Variants in FANK1 observed in about 807,000 individuals in gnomAD.
The protein encoded by FANK1 is fibronectin type 3 and ankyrin repeat domains protein 1.
Under a neutral mutation model 45.3 loss-of-function variants are expected in FANK1, and 44 were observed. The observed-to-expected ratio is 0.97, with a 90% CI of 0.76 to 1.25. FANK1 has a LOEUF of 1.25. Among genes scored for constraint, FANK1 ranks in the 50% most tolerant of loss-of-function variants. The pLI, the probability that FANK1 is intolerant of heterozygous loss-of-function variation, is 0.00. For missense variants in FANK1, 391 were observed against 424.4 expected, an observed-to-expected ratio of 0.92 and a Z score of 0.69; for synonymous variants, 149 against 152.5, an observed-to-expected ratio of 0.98 and a Z score of 0.17.
In FANK1 at chr10:126,009,454, T is replaced by C; in HGVS notation, c.*16T>C. Reference sequence around the variant, plus strand: ...TGTCTGCTGATGAGAGCACCACTCATCTGCGAAACGCACGTAAAACAAAGT... The same window carrying C: ...TGTCTGCTGATGAGAGCACCACTCACCTGCGAAACGCACGTAAAACAAAGT... On this transcript the variant is annotated 3_prime_UTR_variant, in exon 11 of 11. Coordinates refer to ENST00000368693, the MANE Select transcript of FANK1 (RefSeq NM_145235.5). 6.2e-7 allele frequency: 1 copy of C among 1,611,966 alleles called. No homozygotes were observed. The highest frequency in any genetic ancestry group is 2.2e-5 in the East Asian group (1 of 44,870).
intron 1 of FANK1, among the ~76,000 whole-genome samples, chr10:125,962,105 C>T (rs1949962421): frequency 6.6e-6 from 1 of 152,166 alleles, no homozygotes; most frequent in South Asian, 2.1e-4. Flanking sequence ...GGATTAATAT[C>T]CAGAATATCC....
chr10:125,980,451 A>G, intron 2 of FANK1, 113 bp downstream of exon 2: 4 of 1,206,346 alleles, frequency 3.3e-6, no homozygotes, highest in Non-Finnish European at 4.6e-6. Flanking sequence ...ATGAGTCAGC[A>G]TCATTTGTAT....
chr10:125,973,491 A>G (rs966500602), intron 1 of FANK1: 83 of 983,698 alleles, frequency 8.4e-5, no homozygotes, highest in Middle Eastern at 5.2e-4. Context: ...GACTCACAGT[A>G]AGAGGTCAGT....
intron 1 of FANK1, among the ~76,000 whole-genome samples, chr10:125,936,701 A>G (rs1948121407): frequency 6.6e-6 from 1 of 152,198 alleles, no homozygotes; most frequent in African/African-American, 2.4e-5. Flanking sequence ...TTGCTGTTCC[A>G]TTAATATAGC....
chr10:125,949,321 G>A (rs1949037576), intron 1 of FANK1, among the ~76,000 whole-genome samples: 1 of 151,496 alleles, frequency 6.6e-6, no homozygotes, highest in South Asian at 2.1e-4. Context: ...AAAAGAGGAA[G>A]TCAAATTGTC....
intron 1 of FANK1, among the ~76,000 whole-genome samples, chr10:125,963,874 C>T (rs1032937726): frequency 4.6e-5 from 7 of 151,770 alleles, no homozygotes; most frequent in African/African-American, 1.7e-4. Flanking sequence ...CACATGTACC[C>T]TAGAACTTAA....
intron 1 of FANK1, among the ~76,000 whole-genome samples, chr10:125,975,571 T>C (rs1950805809): frequency 6.6e-6 from 1 of 152,262 alleles, no homozygotes; most frequent in Non-Finnish European, 1.5e-5. Flanking sequence ...GGTTTTGATA[T>C]GCTTGTTGGC....
chr10:125,911,372 C>T (rs920166854), intron 1 of FANK1, among the ~76,000 whole-genome samples: 12 of 152,290 alleles, frequency 7.9e-5, no homozygotes, highest in South Asian at 2.1e-4. Flanking sequence ...CCGCAAGACG[C>T]GTTTTGGACT....
At chr10:125,931,142 G>A (rs1321492588) in intron 1 of FANK1, among the ~76,000 whole-genome samples, 4 of 152,186 alleles carry the variant, frequency 2.6e-5, no homozygotes, top group Non-Finnish European at 4.4e-5. Flanking sequence ...TTGGTTCCAC[G>A]ATTTTGGAAT....
chr10:125,993,727 C>T (rs115564933), intron 3 of FANK1, among the ~76,000 whole-genome samples: 369 of 152,158 alleles, frequency 2.4e-3, no homozygotes, highest in African/African-American at 7.9e-3. Flanking sequence ...GGTTATCGTG[C>T]GACTTTTATT....
At chr10:125,927,613 A>G (rs1339663198) in intron 1 of FANK1, among the ~76,000 whole-genome samples, 1 of 151,748 alleles carries the variant, frequency 6.6e-6, no homozygotes, top group Non-Finnish European at 1.5e-5. Context: ...GCAATGGCGC[A>G]ATCTCAGCTC....
At chr10:125,932,762 T>C (rs1364831721) in intron 1 of FANK1, among the ~76,000 whole-genome samples, 6 of 152,172 alleles carry the variant, frequency 3.9e-5, no homozygotes, top group Non-Finnish European at 8.8e-5. Context: ...GTGGTGAAAT[T>C]GGGCATCCTT....
chr10:125,900,623 TTCTG>T (rs1323051967), intron 1 of FANK1, among the ~76,000 whole-genome samples: 1 of 152,028 alleles, frequency 6.6e-6, no homozygotes, highest in Non-Finnish European at 1.5e-5. Context: ...ACACGTTTCT[TTCTG>T]TTTTTTTTTG....
intron 1 of FANK1, among the ~76,000 whole-genome samples, chr10:125,919,723 C>T (rs901442105): frequency 2.0e-5 from 3 of 152,134 alleles, no homozygotes; most frequent in African/African-American, 7.2e-5. Flanking sequence ...CGCAGCTGAC[C>T]ATGATACCCT....
At chr10:125,963,904 A>C (rs1296175447) in intron 1 of FANK1, among the ~76,000 whole-genome samples, 1 of 152,170 alleles carries the variant, frequency 6.6e-6, no homozygotes, top group Non-Finnish European at 1.5e-5. Context: ...ATAAAAAAAA[A>C]CATTTTAAGA....
intron 7 of FANK1, among the ~76,000 whole-genome samples, chr10:126,005,995 A>C (rs984266706): frequency 6.6e-6 from 1 of 152,174 alleles, no homozygotes; most frequent in Non-Finnish European, 1.5e-5. Flanking sequence ...GGGTAATTAG[A>C]ATTAGATCAA....
intron 2 of FANK1, among the ~76,000 whole-genome samples, chr10:125,987,846 G>GGCAAACTACCTTACT (rs140119700): frequency 0.014 from 2,119 of 152,294 alleles, 48 homozygotes; most frequent in African/African-American, 0.046. Context: ...TGAGCAGGCA[G>GGCAAACTACCTTACT]GCATTTCTTG....
rs1446515354 is a variant in FANK1, at chr10:125,989,235, G to C, written c.316+560G>C. On this transcript the variant is annotated intron_variant, in intron 3 of 10. Transcript: ENST00000368693. ...CCGGCTGAGTTTTAAGGTTGTTTCT[G>C]AGATTGGTATTTTAAAGCATTTTAA... is the stretch of plus-strand genomic sequence containing the variant. 5 of 1,523,664 alleles carry C rather than the reference G, an allele frequency of 3.3e-6. No individual in the cohort carries two copies. In the Admixed American group the frequency reaches 5.9e-5, roughly 18 times the overall value. The allele number at this position is 1,523,664 out of a possible 1,614,324, so 94.4% of individuals were successfully genotyped here.
At chr10:125,922,968 T>C (rs1268201572) in intron 1 of FANK1, among the ~76,000 whole-genome samples, 1 of 152,048 alleles carries the variant, frequency 6.6e-6, no homozygotes, top group Non-Finnish European at 1.5e-5. Context: ...ATTCTCTCAG[T>C]TTGTGTTAGT....
Sources: allele counts gnomAD v4.1 joint callset (sites outside exome capture counted in the v4.1 genomes callset), GRCh38; gene constraint gnomAD v4.1.1; transcripts MANE v1.5; gene names NCBI Gene and HGNC (gene_info 2026-07-23, HGNC 2026-07-21).